The following TRPM5 variants were observed in gnomAD, a reference collection of about 807,000 sequenced individuals.
TRPM5 encodes the protein MLSN1 and TRP-related.
Under a neutral mutation model 124.9 loss-of-function variants are expected in TRPM5, and 121 were observed. That is an observed-to-expected ratio of 0.97 (90% CI 0.84 to 1.13). The LOEUF (loss-of-function observed/expected upper bound fraction) is 1.13, where lower values mean the gene tolerates loss of function less well. Among genes scored for constraint, TRPM5 ranks in the 50% most tolerant of loss-of-function variants. TRPM5 has a pLI of 0.00. For missense variants in TRPM5, 1,643 were observed against 1,589.1 expected (o/e 1.03, Z -0.58); for synonymous variants, 781 against 700.5 (o/e 1.11, Z -1.81).
At chr11:2,414,434 C>G (rs112206951) in intron 11 of TRPM5, among the ~76,000 whole-genome samples, 1 of 152,228 alleles carries the variant, frequency 6.6e-6, no homozygotes, top group Non-Finnish European at 1.5e-5. Context: ...GGAACCTCTG[C>G]CACGCTAAAT....
At chr11:2,423,828 C>T (rs753334750), upstream of TRPM5, among the ~76,000 whole-genome samples, 87 of 152,202 alleles carry the variant, frequency 5.7e-4, no homozygotes, top group South Asian at 1.0e-3. Context: ...GGCACTGGCC[C>T]CTCAGCGCCC....
At chr11:2,426,780 G>C (rs893245716), upstream of TRPM5, among the ~76,000 whole-genome samples, 1 of 152,206 alleles carries the variant, frequency 6.6e-6, no homozygotes, top group African/African-American at 2.4e-5. Context: ...CACAAGGGGA[G>C]GGTGCCAGAA....
chr11:2,412,490 A>T lies in TRPM5; in HGVS notation c.2356-237T>A, dbSNP rs1850472910. On this transcript the variant is annotated intron_variant, in intron 15 of 23. Transcript: ENST00000155858. ...GTGCCCAGGGTCTAGGGATCAGTTT[A>T]TGCAGTGTCTGGACTCAGTCCGTGA... Among the ~76,000 whole-genome samples the T allele has an allele frequency of 3.9e-5, 6 of 152,344 alleles. No homozygotes were observed. In the South Asian group the frequency reaches 1.2e-3, roughly 32 times the overall value.
At chr11:2,407,898 A>G in exon 19 of TRPM5, 1 of 1,613,714 alleles carries the variant, frequency 6.2e-7, no homozygotes. Context: ...TGGGTGGAGC[A>G]GTTCACACGG....
intron 12 of TRPM5, 52 bp downstream of exon 17, chr11:2,414,009 G>GGGGGGGGCCCCCCCCCC: frequency 1.3e-5 from 13 of 1,023,700 alleles, no homozygotes; most frequent in Non-Finnish European, 1.6e-5. Context: ...GGCCCAGCTC[G>GGGGGGGGCCCCCCCCCC]CCCGCCCACC....
the TRPM5 span, among the ~76,000 whole-genome samples, chr11:2,432,443 A>C: frequency 0.2 from 30,702 of 152,040 alleles, 4,141 homozygotes; most frequent in African/African-American, 0.37. Flanking sequence ...AGCAACCCCA[A>C]TGGCTGACTG....
At chr11:2,405,654 C>A in intron 22 of TRPM5, 61 bp from the exon 28 acceptor site, 1 of 1,515,418 alleles carries the variant, frequency 6.6e-7, no homozygotes, top group South Asian at 1.2e-5. Flanking sequence ...AGGGGACAGG[C>A]AGCCTCCCCA....
rs758473826 is a variant in TRPM5, at chr11:2,412,941, C to T, written c.2168G>A (p.Arg723His). Residue 723 changes from arginine (R) to histidine (H), a missense_variant, in exon 15 of 24, where the codon CGC becomes CAC. Arg to His is a conservative substitution (Grantham distance 29). Coordinates refer to ENST00000155858, the Ensembl canonical transcript of TRPM5. ...GGGAGCGCCCCAGAATTTCCGCCAGCGTGTGAGCAGGAAGACAGCACGTGG... is the reference window on the plus strand; with the variant it reads ...GGGAGCGCCCCAGAATTTCCGCCAGTGTGTGAGCAGGAAGACAGCACGTGG... 1.7e-5 allele frequency: 28 copies of T among 1,603,852 alleles called. No homozygotes were observed. The highest frequency in any genetic ancestry group is 1.6e-4 in the Middle Eastern group (1 of 6,068).
chr11:2,405,473 TGC>T (rs958430562), intron 23 of TRPM5, 52 bp downstream of exon 28: 34 of 1,521,830 alleles, frequency 2.2e-5, no homozygotes, highest in Non-Finnish European at 2.9e-5. Flanking sequence ...CCCCAGCCGC[TGC>T]AGAGTGGGTG....
At chr11:2,418,496 G>T in intron 5 of TRPM5, 31 bp downstream of exon 10, 1 of 1,598,840 alleles carries the variant, frequency 6.3e-7, no homozygotes, top group Non-Finnish European at 8.5e-7. Context: ...CAAGGCTTCG[G>T]CCAGCCAGGG....
intron 19 of TRPM5, 144 bp downstream of exon 24, chr11:2,407,615 C>G: frequency 8.9e-7 from 1 of 1,118,134 alleles, no homozygotes; most frequent in East Asian, 2.5e-5. Context: ...GCAGTCCAGG[C>G]TATGCCACCT....
chr11:2,421,069 C>T, exon 3 of TRPM5: 1 of 1,548,990 alleles, frequency 6.5e-7, no homozygotes, highest in Admixed American at 1.9e-5. Flanking sequence ...CAGGACGCGG[C>T]CCAGCGAGGC....
upstream of TRPM5, among the ~76,000 whole-genome samples, chr11:2,423,367 C>G (rs7127776): frequency 0.011 from 1,725 of 152,326 alleles, 34 homozygotes; most frequent in African/African-American, 0.04. Flanking sequence ...CTCAGGTTGG[C>G]CACACCTGCA....
chr11:2,405,293 C>T (rs1028235892), intron 23 of TRPM5, among the ~76,000 whole-genome samples: 1 of 152,248 alleles, frequency 6.6e-6, no homozygotes, highest in African/African-American at 2.4e-5. Context: ...CCAATAGGGC[C>T]CACGCCAGGC....
chr11:2,411,703 G>C (rs1343474657), exon 17 of TRPM5: 2 of 1,612,720 alleles, frequency 1.2e-6, no homozygotes, highest in Non-Finnish European at 1.7e-6. Flanking sequence ...ATCAGCCGCA[G>C]CGTGAACACC....
At chr11:2,441,628 G>A in the TRPM5 span, among the ~76,000 whole-genome samples, 3 of 152,132 alleles carry the variant, frequency 2.0e-5, no homozygotes, top group East Asian at 3.9e-4. This position sits in a 1 kb window ranked among gnomAD's most constrained non-coding sequence, Gnocchi z 7.2. Context: ...AGCAGGCTGT[G>A]GCACAGCTCA....
intron 7 of TRPM5, 146 bp from the exon 13 acceptor site, chr11:2,416,170 G>A (rs1845672634): frequency 3.3e-6 from 2 of 607,746 alleles, no homozygotes; most frequent in Non-Finnish European, 5.9e-6. Flanking sequence ...CGCCACCTCT[G>A]AGCACCAGCA....
At chr11:2,418,832 G>T (rs1330340809) in intron 4 of TRPM5, among the ~76,000 whole-genome samples, 1 of 152,232 alleles carries the variant, frequency 6.6e-6, no homozygotes, top group Admixed American at 6.5e-5. Context: ...CTGGCATATG[G>T]CTGTTAAAAC....
At chr11:2,414,023 C>A in intron 12 of TRPM5, 38 bp downstream of exon 17, 1 of 1,537,790 alleles carries the variant, frequency 6.5e-7, no homozygotes, top group South Asian at 1.2e-5. Context: ...GCCCACCCCA[C>A]CCCCTGGCAG....
Sources: allele counts gnomAD v4.1 joint callset (sites outside exome capture counted in the v4.1 genomes callset), GRCh38; gene constraint gnomAD v4.1.1; non-coding constraint Gnocchi (gnomAD v3.1); transcripts MANE v1.5; gene names NCBI Gene and HGNC (gene_info 2026-07-23, HGNC 2026-07-21).